The following HS3ST4 variants were observed in gnomAD, a reference collection of about 807,000 sequenced individuals.
HS3ST4 encodes the protein heparan sulfate-glucosamine 3-sulfotransferase 4, also known as heparan sulfate glucosamine 3-O-sulfotransferase 4.
Under a neutral mutation model 29.2 loss-of-function variants are expected in HS3ST4, and 17 were observed. That is an observed-to-expected ratio of 0.58 (90% CI 0.40 to 0.87). The LOEUF (loss-of-function observed/expected upper bound fraction) is 0.87. Ranked by LOEUF, HS3ST4 falls within the 40% of genes least tolerant of loss-of-function variation. The pLI is 0.00. For synonymous variants in HS3ST4, 314 were observed against 285.7 expected, an observed-to-expected ratio of 1.10 and a Z score of -1.00; for missense variants, 627 against 634.5, an observed-to-expected ratio of 0.99 and a Z score of 0.13.
intron 1 of HS3ST4, among the ~76,000 whole-genome samples, chr16:26,080,947 G>T (rs954863376): frequency 6.6e-6 from 1 of 152,168 alleles, no homozygotes; most frequent in African/African-American, 2.4e-5. Context: ...CTAAGAGCTT[G>T]TTGGAAATAT....
intron 1 of HS3ST4, among the ~76,000 whole-genome samples, chr16:26,133,283 A>G (rs963686995): frequency 2.6e-5 from 4 of 152,204 alleles, no homozygotes; most frequent in Admixed American, 2.0e-4. Context: ...TTAAAATCCT[A>G]TGAGGCATGG....
At chr16:25,806,723 A>G (rs2141626570) in intron 1 of HS3ST4, among the ~76,000 whole-genome samples, 1 of 152,330 alleles carries the variant, frequency 6.6e-6, no homozygotes, top group South Asian at 2.1e-4. Context: ...AACATATTGC[A>G]CAACTATAGC....
intron 1 of HS3ST4, among the ~76,000 whole-genome samples, chr16:25,770,639 T>C (rs998534271): frequency 6.6e-6 from 1 of 152,194 alleles, no homozygotes; most frequent in Non-Finnish European, 1.5e-5. Context: ...GTGAGCTACC[T>C]GGGGTAACTT....
intron 1 of HS3ST4, among the ~76,000 whole-genome samples, chr16:25,813,776 C>G (rs956359934): frequency 6.6e-6 from 1 of 152,182 alleles, no homozygotes; most frequent in Admixed American, 6.5e-5. Context: ...AAAAGACTTG[C>G]ACACAAATGT....
chr16:26,069,768 CATT>C (rs1156723774), intron 1 of HS3ST4, among the ~76,000 whole-genome samples: 1 of 141,764 alleles, frequency 7.1e-6, no homozygotes, highest in Non-Finnish European at 1.5e-5. Flanking sequence ...CAAGTGTTCT[CATT>C]ATTCAATTCC....
At chr16:25,709,323 A>G (rs1966400036) in intron 1 of HS3ST4, among the ~76,000 whole-genome samples, 1 of 152,138 alleles carries the variant, frequency 6.6e-6, no homozygotes, top group Non-Finnish European at 1.5e-5. Flanking sequence ...GGGGTCGTGC[A>G]CACATCCATC....
At chr16:25,877,318 C>T (rs1293985574) in intron 1 of HS3ST4, among the ~76,000 whole-genome samples, 1 of 151,984 alleles carries the variant, frequency 6.6e-6, no homozygotes, top group East Asian at 1.9e-4. Context: ...TTAGATTTGC[C>T]CCTAAGTCCA....
chr16:25,970,203 C>T (rs1968882496), intron 1 of HS3ST4, among the ~76,000 whole-genome samples: 1 of 152,208 alleles, frequency 6.6e-6, no homozygotes, highest in Admixed American at 6.5e-5. Context: ...CTGCAGTTTG[C>T]ACTCTGTGTG....
chr16:25,701,084 T>C (rs965556947), intron 1 of HS3ST4, among the ~76,000 whole-genome samples: 33 of 152,374 alleles, frequency 2.2e-4, no homozygotes, highest in African/African-American at 7.0e-4. Context: ...ATGATGTCAC[T>C]AGGCCCCTGT....
At chr16:25,830,524 C>G (rs1967284527) in intron 1 of HS3ST4, among the ~76,000 whole-genome samples, 1 of 152,116 alleles carries the variant, frequency 6.6e-6, no homozygotes, top group East Asian at 1.9e-4. Context: ...CTGAGTTTGT[C>G]CTTCTATATC....
At chr16:26,114,457 T>C (rs988918557) in intron 1 of HS3ST4, among the ~76,000 whole-genome samples, 3 of 152,168 alleles carry the variant, frequency 2.0e-5, no homozygotes, top group Admixed American at 6.5e-5. Context: ...GGAAAAGTCA[T>C]GGGGTTAATG....
At chr16:26,034,886 G>A (rs1161585496) in intron 1 of HS3ST4, among the ~76,000 whole-genome samples, 1 of 152,132 alleles carries the variant, frequency 6.6e-6, no homozygotes, top group Non-Finnish European at 1.5e-5. Context: ...GGGAAGGTGA[G>A]GTGGGAGGAT....
chr16:26,039,096 A>C (rs1267313329), intron 1 of HS3ST4, among the ~76,000 whole-genome samples: 1 of 152,088 alleles, frequency 6.6e-6, no homozygotes, highest in Non-Finnish European at 1.5e-5. Context: ...ATCTCACCCC[A>C]GCAGAATTCT....
chr16:25,990,719 A>T (rs192776526), intron 1 of HS3ST4, among the ~76,000 whole-genome samples: 141 of 152,334 alleles, frequency 9.3e-4, no homozygotes, highest in African/African-American at 3.2e-3. Context: ...ATGTCCAAGG[A>T]TATGCAGGGT....
At position 25,863,928 on chromosome 16, in the gene HS3ST4, C is replaced by T. The variant is rs182103742; in HGVS notation, c.734+170777C>T. Among the ~76,000 whole-genome samples the T allele has an allele frequency of 1.3e-3, 198 of 152,354 alleles. 1 individual carries two copies. Among genetic ancestry groups the T allele is most frequent in the African/African-American group, 4.7e-3 (196 of 41,582 alleles). On this transcript the variant is annotated intron_variant, in intron 1 of 1. Coordinates refer to ENST00000331351, the MANE Select transcript of HS3ST4 (RefSeq NM_006040.3). ...TCTTACATTTCTGGAGGCTGGAAGT[C>T]CAAGATCAAGGTGTCGGCAGGTTTG...
intron 1 of HS3ST4, among the ~76,000 whole-genome samples, chr16:25,711,928 C>T (rs1966418360): frequency 6.6e-6 from 1 of 152,146 alleles, no homozygotes; most frequent in Non-Finnish European, 1.5e-5. Context: ...TGTGCCCAGC[C>T]TCTTCTATAA....
At chr16:25,742,615 A>G (rs145807567) in intron 1 of HS3ST4, among the ~76,000 whole-genome samples, 5 of 152,176 alleles carry the variant, frequency 3.3e-5, no homozygotes, top group Admixed American at 6.5e-5. Flanking sequence ...AGTGAAAGCA[A>G]CAGAGGTCTC....
chr16:26,134,999 ATATTAT>A (rs1287368400), intron 1 of HS3ST4, among the ~76,000 whole-genome samples: 6 of 152,126 alleles, frequency 3.9e-5, no homozygotes, highest in Non-Finnish European at 8.8e-5. Flanking sequence ...GCATCACAAA[ATATTAT>A]TATTATCTTT....
At chr16:25,859,820 T>C (rs781103251) in intron 1 of HS3ST4, among the ~76,000 whole-genome samples, 11 of 152,134 alleles carry the variant, frequency 7.2e-5, no homozygotes, top group African/African-American at 2.4e-4. Flanking sequence ...CAATGAGATA[T>C]CACTACACAC....
Sources: allele counts gnomAD v4.1 joint callset (sites outside exome capture counted in the v4.1 genomes callset), GRCh38; gene constraint gnomAD v4.1.1; transcripts MANE v1.5; gene names NCBI Gene and HGNC (gene_info 2026-07-23, HGNC 2026-07-21).